TPO: variants seen among roughly 807,000 people sequenced by gnomAD.
The protein encoded by TPO is thyroid peroxidase, also known as thyroid microsomal antigen.
Under a neutral mutation model 96.9 loss-of-function variants are expected in TPO, and 78 were observed. The observed-to-expected ratio is 0.81, with a 90% CI of 0.67 to 0.97. The LOEUF is 0.97. Ranked by LOEUF, TPO falls within the 50% of genes least tolerant of loss-of-function variation. The pLI, the probability that TPO is intolerant of heterozygous loss-of-function variation, is 0.00. For missense variants in TPO, 1,252 were observed against 1,274.8 expected (o/e 0.98, Z 0.27); for synonymous variants, 547 against 538.0 (o/e 1.02, Z -0.23).
chr2:1,468,621 G>A (rs533303931), intron 7 of TPO, among the ~76,000 whole-genome samples: 16 of 152,080 alleles, frequency 1.1e-4, no homozygotes, highest in Non-Finnish European at 2.2e-4. Flanking sequence ...TGGTGTTTTT[G>A]TTTCACAGCT....
rs148843607 is a variant in TPO at position 1,542,443 on chromosome 2, G to A, written c.2771G>A (p.Arg924Gln). The A allele has an allele frequency of 2.0e-5, 32 of 1,614,174 alleles. No homozygotes were observed. Among genetic ancestry groups the A allele is most frequent in the African/African-American group, 5.3e-5 (4 of 75,060 alleles). The change falls in exon 17 of 17, where the codon CGG becomes CAG. Residue 924 changes from arginine (R) to glutamine (Q), a missense_variant. By Grantham distance (43) the Arg-to-Gln change is conservative. Transcript: ENST00000329066. ...SEQESAGMEG[R>Q]DTHRLPRAL ...CAGGAGAGTGCTGGGATGGAAGGCCGGGATACTCACAGGCTGCCGAGAGCC... is the reference window on the plus strand; with the variant it reads ...CAGGAGAGTGCTGGGATGGAAGGCCAGGATACTCACAGGCTGCCGAGAGCC...
chr2:1,513,499 G>A (rs1473041452), intron 14 of TPO: 1 of 152,262 alleles, frequency 6.6e-6, no homozygotes, highest in African/African-American at 2.4e-5. Flanking sequence ...GCTGTGAGAG[G>A]AGCTCACACT....
chr2:1,491,354 A>C (rs1671757161), intron 10 of TPO, among the ~76,000 whole-genome samples: 1 of 152,160 alleles, frequency 6.6e-6, no homozygotes, highest in Non-Finnish European at 1.5e-5. Context: ...AGTTGGAAAA[A>C]GATGCAAATG....
At chr2:1,458,026 CGT>C (rs1209838320) in intron 7 of TPO, among the ~76,000 whole-genome samples, 4 of 146,766 alleles carry the variant, frequency 2.7e-5, no homozygotes, top group African/African-American at 7.7e-5. Flanking sequence ...TGTGTGGGCA[CGT>C]GTGTATATGG....
intron 15 of TPO, among the ~76,000 whole-genome samples, chr2:1,520,757 C>A (rs1463645072): frequency 6.6e-6 from 1 of 152,240 alleles, no homozygotes; most frequent in Non-Finnish European, 1.5e-5. Flanking sequence ...AACTTTTACA[C>A]TAAAAATTCA....
intron 11 of TPO, among the ~76,000 whole-genome samples, chr2:1,494,700 A>T (rs13427125): frequency 0.046 from 7,023 of 152,260 alleles, 568 homozygotes; most frequent in African/African-American, 0.16. Flanking sequence ...TTGGAACAAC[A>T]CAGACAAAAG....
rs923384552 is a variant in TPO, at chr2:1,380,352, T to C, written n.180+5950T>C. ...GAGCTTGGAGTGAGCCGAGATCACT[T>C]TACTGCACTCCAGCCTGGGCGACAG... is the stretch of plus-strand genomic sequence containing the variant. On this transcript the variant is annotated intron_variant and non_coding_transcript_variant, in intron 1 of 5. Transcript: ENST00000497517. Among the ~76,000 whole-genome samples the C allele has an allele frequency of 4.7e-5, 7 of 149,844 alleles. No individual in the cohort carries two copies. The East Asian group carries it at 9.9e-4, about 21-fold the overall frequency.
chr2:1,386,693 A>C (rs1174136604), intron 1 of TPO, among the ~76,000 whole-genome samples: 2 of 152,068 alleles, frequency 1.3e-5, no homozygotes, highest in Non-Finnish European at 2.9e-5. Context: ...TTTTAATTGG[A>C]GCATTTAGCC....
chr2:1,404,456 G>A (rs1662218687), intron 1 of TPO, among the ~76,000 whole-genome samples: 1 of 152,204 alleles, frequency 6.6e-6, no homozygotes, highest in African/African-American at 2.4e-5. Flanking sequence ...ATTTCAGAAT[G>A]TACCTGGAGA....
At chr2:1,531,118 TGTG>T in intron 15 of TPO, among the ~76,000 whole-genome samples, 1 of 59,714 alleles carries the variant, frequency 1.7e-5, no homozygotes, top group Non-Finnish European at 3.0e-5. Flanking sequence ...CCCCCCACTG[TGTG>T]CAACCTCCCC....
At position 1,493,603 on chromosome 2, in the gene TPO, G is replaced by C. The variant is rs189313572; in HGVS notation, c.1769-199G>C. 1.0e-3 allele frequency among the ~76,000 whole-genome samples: 149 copies of C among 149,158 alleles called. 3 individuals carry two copies. Among genetic ancestry groups the C allele is most frequent in the African/African-American group, 3.6e-3 (142 of 39,134 alleles). ...TCCTAGCCTGGCAAACTGCCGGGCA[G>C]TGTCACAGGGTGGGACAGGACTCTG... On this transcript the variant is annotated intron_variant, in intron 10 of 16. Coordinates refer to ENST00000329066, the MANE Select transcript of TPO (RefSeq NM_001206744.2).
At chr2:1,507,600 A>G (rs1423341099) in intron 14 of TPO, among the ~76,000 whole-genome samples, 2 of 152,062 alleles carry the variant, frequency 1.3e-5, no homozygotes, top group African/African-American at 2.4e-5. Flanking sequence ...GGTCCTTCAC[A>G]TCCCTTGTAA....
At chr2:1,472,142 T>G (rs962317280) in intron 7 of TPO, among the ~76,000 whole-genome samples, 4 of 151,886 alleles carry the variant, frequency 2.6e-5, no homozygotes, top group African/African-American at 7.3e-5. Flanking sequence ...GCTCATAGAG[T>G]GCTCTTCCTG....
chr2:1,503,206 C>T (rs1156592032), intron 13 of TPO, among the ~76,000 whole-genome samples: 1 of 152,166 alleles, frequency 6.6e-6, no homozygotes. Context: ...CTGCCTCCAG[C>T]CTGGCCCTCG....
chr2:1,440,794 A>G (rs771186869), intron 5 of TPO, among the ~76,000 whole-genome samples: 2 of 149,906 alleles, frequency 1.3e-5, no homozygotes, highest in Non-Finnish European at 3.0e-5. Context: ...GAGCAGGCTC[A>G]TTCCTGTTTT....
intron 15 of TPO, among the ~76,000 whole-genome samples, chr2:1,531,245 CATATTCCCCCCACTGTGTGGACCCTT>C (rs1252542998): frequency 8.5e-5 from 11 of 129,810 alleles, no homozygotes; most frequent in Admixed American, 1.5e-4. Context: ...GCAACCGCCT[CATATTCCCCCCACTGTGTGGACCCTT>C]CTCAAATCCC....
chr2:1,380,075 C>T (rs951152050), intron 1 of TPO, among the ~76,000 whole-genome samples: 3 of 151,974 alleles, frequency 2.0e-5, no homozygotes, highest in African/African-American at 7.3e-5. Flanking sequence ...ATTTGATAAC[C>T]CTGAAACACA....
At position 1,456,144 on chromosome 2, in the gene TPO, T is replaced by G. The variant is rs1290871542; in HGVS notation, c.681T>G (p.Ser227=). The G allele has an allele frequency of 6.2e-7, 1 of 1,614,130 alleles. No individual in the cohort carries two copies. The highest frequency in any genetic ancestry group is 1.1e-5 in the South Asian group (1 of 91,088). The change falls in exon 7 of 17, where the codon TCT becomes TCG. Residue 227 remains serine, a synonymous_variant. Transcript: ENST00000329066. Reference sequence around the variant, plus strand: ...TTGTCACAGATGATGACCGCTATTCTGACCTCCTGATGGCATGGGGACAAT... The same window carrying G: ...TTGTCACAGATGATGACCGCTATTCGGACCTCCTGATGGCATGGGGACAAT... ...NEVVTDDDRY[S]DLLMAWGQYI...
At chr2:1,489,708 G>A (rs1344361299) in intron 10 of TPO, among the ~76,000 whole-genome samples, 3 of 149,640 alleles carry the variant, frequency 2.0e-5, no homozygotes, top group Non-Finnish European at 4.5e-5. Flanking sequence ...ACGCTGACAA[G>A]GACAGAAGGG....
Sources: gnomAD v4.1 joint callset for allele counts (sites outside exome capture counted in the v4.1 genomes callset) on GRCh38, gnomAD v4.1.1 for gene constraint, MANE v1.5 for transcripts, NCBI Gene and HGNC (gene_info 2026-07-23, HGNC 2026-07-21) for gene names.